SPTBN1: variants seen among roughly 807,000 people sequenced by gnomAD.
SPTBN1 encodes the protein spectrin beta, non-erythrocytic 1, also known as spectrin beta chain, non-erythrocytic 1.
SPTBN1 carries 32 observed loss-of-function variants against 266.4 expected under a neutral mutation model. That is an observed-to-expected ratio of 0.12 (90% CI 0.09 to 0.16). The LOEUF (loss-of-function observed/expected upper bound fraction) is 0.16. Ranked by LOEUF, SPTBN1 falls within the 10% of genes least tolerant of loss-of-function variation. The probability of loss-of-function intolerance (pLI) is 1.00; values close to 1 mark genes in which losing one functional copy is unlikely to be tolerated. For synonymous variants in SPTBN1, 1,336 were observed against 1,162.2 expected (o/e 1.15, Z -3.04); for missense variants, 2,296 against 3,067.1 (o/e 0.75, Z 5.94).
rs778270802 is a variant in SPTBN1, at chr2:54,653,852, A to G, written c.5821A>G (p.Arg1941Gly). Residue 1941 changes from arginine to glycine, a missense_variant and splice_region_variant, in exon 27 of 36, where the codon AGG (arginine) becomes GGG (glycine). Coordinates refer to ENST00000356805, the MANE Select transcript of SPTBN1 (RefSeq NM_003128.3). The surrounding 1 kb of genome is among the most constrained non-coding windows in gnomAD (Gnocchi z 5.1). ...GCAGATCGAGGCCCAGGAGAAGCCA[A>G]GGTAACGCTTTCAGCCCAAAGGAAA... Reference protein sequence around the residue: ...IRQIEAQEKPRDVSSVELLMN... With the variant: ...IRQIEAQEKPGDVSSVELLMN... 3.1e-6 allele frequency: 5 copies of G among 1,610,374 alleles called. No homozygotes were observed.
At chr2:54,512,558 G>T (rs1370961028) in intron 1 of SPTBN1, among the ~76,000 whole-genome samples, 1 of 152,210 alleles carries the variant, frequency 6.6e-6, no homozygotes, top group Non-Finnish European at 1.5e-5. Flanking sequence ...AAATAAATAT[G>T]TTAAAAGGCA....
Position 54,638,193 on chromosome 2 carries a change from G to A in SPTBN1, c.3858+390G>A, listed in dbSNP as rs539639767. Among the ~76,000 whole-genome samples, 9 of 152,240 alleles carry A rather than the reference G, an allele frequency of 5.9e-5. No individual in the cohort carries two copies. In the South Asian group the frequency reaches 1.9e-3, roughly 32 times the overall value. ...AACTTTGACTAGTGGCTACCATGTT[G>A]GACAACACAGATATAGAACATTTCT... On this transcript the variant is annotated intron_variant, in intron 18 of 35. Transcript: ENST00000356805.
intron 2 of SPTBN1, among the ~76,000 whole-genome samples, chr2:54,541,623 A>G (rs1449165844): frequency 1.3e-5 from 2 of 152,204 alleles, no homozygotes; most frequent in African/African-American, 4.8e-5. Context: ...CAACACAATT[A>G]TTGTCCGAAC....
Position 54,655,098 on chromosome 2 carries a change from A to G in SPTBN1, c.5851A>G (p.Asn1951Asp). 6.2e-7 allele frequency: 1 copy of G among 1,614,082 alleles called. No individual in the cohort carries two copies. Among genetic ancestry groups the G allele is most frequent in the Non-Finnish European group, 8.5e-7 (1 of 1,179,972 alleles). Residue 1951 changes from asparagine (N) to aspartate (D), a missense_variant, in exon 28 of 36, where the codon AAT becomes GAT. Asn to Asp is a conservative substitution (Grantham distance 23, BLOSUM62 1). Transcript: ENST00000356805. ...TGTATCATCTGTTGAACTCTTAATG[A>G]ATAATCATCAAGGCATCAAAGCTGA... Reference protein sequence around the residue: ...RDVSSVELLMNNHQGIKAEID... With the variant: ...RDVSSVELLMDNHQGIKAEID...
At position 54,649,582 on chromosome 2, in the gene SPTBN1, GCT is replaced by G; in HGVS notation, c.5203-28_5203-27del. The G allele has an allele frequency of 6.3e-7, 1 of 1,596,306 alleles. No individual in the cohort carries two copies. The highest frequency in any genetic ancestry group is 8.6e-7 in the Non-Finnish European group (1 of 1,167,184). On this transcript the variant is annotated intron_variant, in intron 25 of 35. Coordinates refer to ENST00000356805, the MANE Select transcript of SPTBN1 (RefSeq NM_003128.3). The surrounding 1 kb of genome is among the most constrained non-coding windows in gnomAD (Gnocchi z 6.7). The stretch of plus-strand genomic sequence containing the variant: ...TCAAGAAATACAGAGTTCACAGTGG[GCT>G]CTCTGATTTCCTTACCCATCCCCGT...
intron 2 of SPTBN1, among the ~76,000 whole-genome samples, chr2:54,537,937 C>T (rs1671706300): frequency 6.6e-6 from 1 of 152,158 alleles, no homozygotes; most frequent in Non-Finnish European, 1.5e-5. Flanking sequence ...TGTGGAGGGA[C>T]ATAAGAGCAT....
At chr2:54,595,731 C>A (rs1367282528) in intron 2 of SPTBN1, among the ~76,000 whole-genome samples, 1 of 152,172 alleles carries the variant, frequency 6.6e-6, no homozygotes, top group African/African-American at 2.4e-5. Context: ...TGGGGAGTGT[C>A]TTCCAAGATT....
intron 2 of SPTBN1, among the ~76,000 whole-genome samples, chr2:54,566,385 G>A (rs1473291276): frequency 1.3e-5 from 2 of 151,698 alleles, no homozygotes; most frequent in Admixed American, 6.6e-5. Flanking sequence ...ATGGGGTTTC[G>A]CCATGTTGGC....
At chr2:54,508,277 C>T (rs1487756277) in intron 1 of SPTBN1, among the ~76,000 whole-genome samples, 3 of 152,210 alleles carry the variant, frequency 2.0e-5, no homozygotes, top group African/African-American at 4.8e-5. Flanking sequence ...GGAAAGGCCT[C>T]TACCCATCCA....
intron 3 of SPTBN1, among the ~76,000 whole-genome samples, chr2:54,607,074 T>C (rs760038561): frequency 6.6e-6 from 1 of 152,214 alleles, no homozygotes; most frequent in Non-Finnish European, 1.5e-5. Flanking sequence ...ACCTCTTTCT[T>C]TTTTTGGGGT....
intron 2 of SPTBN1, among the ~76,000 whole-genome samples, chr2:54,563,067 G>T (rs567372989): frequency 2.0e-5 from 3 of 152,246 alleles, no homozygotes; most frequent in East Asian, 3.9e-4. Context: ...ACTCATCCAA[G>T]TTCACAGGCA....
At chr2:54,579,253 G>C (rs1184419692) in intron 2 of SPTBN1, among the ~76,000 whole-genome samples, 2 of 152,112 alleles carry the variant, frequency 1.3e-5, no homozygotes, top group Non-Finnish European at 2.9e-5. Flanking sequence ...ATAGAATGAA[G>C]TATAACAGCT....
chr2:54,558,921 G>A lies in SPTBN1; in HGVS notation c.148+32355G>A. 1.2e-6 allele frequency: 2 copies of A among 1,602,066 alleles called. No homozygotes were observed. Among genetic ancestry groups the A allele is most frequent in the African/African-American group, 2.7e-5 (2 of 74,520 alleles). Reference sequence around the variant, plus strand: ...CCTCCCAAAGGCCGGGCCTGTCCTGGGTGCCAACGGGGGTTCTTGGAGGCT... The same window carrying A: ...CCTCCCAAAGGCCGGGCCTGTCCTGAGTGCCAACGGGGGTTCTTGGAGGCT... On this transcript the variant is annotated intron_variant, in intron 2 of 35. Coordinates refer to ENST00000356805, the MANE Select transcript of SPTBN1 (RefSeq NM_003128.3). The surrounding 1 kb of genome is among the most constrained non-coding windows in gnomAD (Gnocchi z 4.6).
intron 2 of SPTBN1, among the ~76,000 whole-genome samples, chr2:54,571,594 C>T (rs376087404): frequency 0.17 from 22,614 of 132,914 alleles, 1,783 homozygotes; most frequent in Middle Eastern, 0.19. Context: ...CACACACACA[C>T]ACACACATAT....
chr2:54,661,029 G>A (rs1681005945), intron 32 of SPTBN1: 1 of 985,432 alleles, frequency 1.0e-6, no homozygotes, highest in African/African-American at 1.7e-5. Context: ...GGTGGACCGT[G>A]CCTGGGAGCG....
chr2:54,632,450 A>G, intron 16 of SPTBN1, 116 bp from the exon 17 acceptor site: 1 of 1,092,330 alleles, frequency 9.2e-7, no homozygotes, highest in Admixed American at 2.3e-5. Context: ...TGATTTAATT[A>G]TTTCATGTAA....
At chr2:54,627,057 T>G (rs1678387001) in intron 12 of SPTBN1, among the ~76,000 whole-genome samples, 1 of 149,734 alleles carries the variant, frequency 6.7e-6, no homozygotes. Context: ...TTCCTTTGTC[T>G]CAGCACGCTG....
Position 54,629,211 on chromosome 2 carries a change from C to A in SPTBN1, c.2077C>A (p.His693Asn). Residue 693 changes from histidine (H) to asparagine (N), a missense_variant, in exon 14 of 36, where the codon CAC becomes AAC. His to Asn is a moderately conservative substitution (Grantham distance 68). Around this residue, in one of 12 missense-constraint regions of SPTBN1, gnomAD observed 434 missense variants for 573.9 expected, o/e 0.76. Coordinates refer to ENST00000356805, the MANE Select transcript of SPTBN1 (RefSeq NM_003128.3). ...GGACGAGATGAGCGGCCGCAGTGGC[C>A]ACTTTGAGCAGGCCATCAAGGAAGG... ...FEDEMSGRSG[H>N]FEQAIKEGED... 1 of 1,613,738 alleles carries A rather than the reference C, an allele frequency of 6.2e-7. No homozygotes were observed. Among genetic ancestry groups the A allele is most frequent in the Non-Finnish European group, 8.5e-7 (1 of 1,179,984 alleles).
At chr2:54,599,555 C>T (rs531269014) in intron 3 of SPTBN1, among the ~76,000 whole-genome samples, 5 of 152,278 alleles carry the variant, frequency 3.3e-5, no homozygotes, top group East Asian at 3.9e-4. Flanking sequence ...CAGGCTTGGG[C>T]GCTGGCTTCT....
Sources: gnomAD v4.1 joint callset for allele counts (sites outside exome capture counted in the v4.1 genomes callset) on GRCh38, gnomAD v4.1.1 for gene constraint, gnomAD v4.1.1 regional missense constraint, Gnocchi (gnomAD v3.1) non-coding constraint, MANE v1.5 for transcripts, NCBI Gene and HGNC (gene_info 2026-07-23, HGNC 2026-07-21) for gene names.